SFMBT2: variants seen among roughly 807,000 people sequenced by gnomAD.
SFMBT2 encodes scm-like with four MBT domains protein 2.
A neutral mutation model predicts 110.1 loss-of-function variants in SFMBT2; 38 were observed. That is an observed-to-expected ratio of 0.35 (90% CI 0.27 to 0.45). The LOEUF (loss-of-function observed/expected upper bound fraction) is 0.45. SFMBT2 is among the 20% of genes least tolerant of loss of function. The probability of loss-of-function intolerance (pLI) is 1.00; values close to 1 mark genes in which losing one functional copy is unlikely to be tolerated. For synonymous variants in SFMBT2, 425 were observed against 425.4 expected (o/e 1.00, Z 0.01); for missense variants, 1,011 against 1,094.9 (o/e 0.92, Z 1.08).
intron 4 of SFMBT2, among the ~76,000 whole-genome samples, chr10:7,355,572 G>A (rs1435791883): frequency 2.6e-5 from 4 of 152,118 alleles, no homozygotes; most frequent in Non-Finnish European, 5.9e-5. Context: ...CAGCCCTTTG[G>A]GAGGCCGAGG....
chr10:7,391,563 T>C (rs1332304486), intron 1 of SFMBT2, among the ~76,000 whole-genome samples: 2 of 151,986 alleles, frequency 1.3e-5, no homozygotes, highest in Non-Finnish European at 2.9e-5. Flanking sequence ...TCCACCCAGG[T>C]GACTGCAAAA....
At chr10:7,237,624 A>C (rs1840297708) in intron 9 of SFMBT2, among the ~76,000 whole-genome samples, 1 of 152,120 alleles carries the variant, frequency 6.6e-6, no homozygotes, top group Non-Finnish European at 1.5e-5. Flanking sequence ...AATTCATTCA[A>C]CCTCAACAAA....
intron 4 of SFMBT2, chr10:7,348,282 C>A: frequency 6.6e-7 from 1 of 1,521,920 alleles, no homozygotes. Context: ...TTGAGACATC[C>A]TTTTCTAAGA....
chr10:7,334,275 A>T (rs1177177279), intron 4 of SFMBT2, among the ~76,000 whole-genome samples: 1 of 151,752 alleles, frequency 6.6e-6, no homozygotes, highest in Non-Finnish European at 1.5e-5. Context: ...CCGAGAGGCC[A>T]CCCCCTCCAC....
intron 16 of SFMBT2, among the ~76,000 whole-genome samples, chr10:7,185,283 G>T (rs1462593587): frequency 6.6e-6 from 1 of 152,156 alleles, no homozygotes; most frequent in Non-Finnish European, 1.5e-5. Context: ...GCGTTTTCAG[G>T]ACAGCAAACT....
At chr10:7,246,445 G>T (rs1840613873) in intron 8 of SFMBT2, among the ~76,000 whole-genome samples, 3 of 149,986 alleles carry the variant, frequency 2.0e-5, no homozygotes, top group South Asian at 4.2e-4. Flanking sequence ...GAGAGGCCGG[G>T]TGCAGTGGCT....
chr10:7,167,027 AATATG>A (rs1837714051), intron 20 of SFMBT2, among the ~76,000 whole-genome samples: 1 of 152,222 alleles, frequency 6.6e-6, no homozygotes, highest in Non-Finnish European at 1.5e-5. Flanking sequence ...AAAGAAATGA[AATATG>A]ATAAGATATA....
intron 8 of SFMBT2, chr10:7,246,254 C>G: frequency 1.4e-6 from 1 of 729,660 alleles, no homozygotes; most frequent in South Asian, 6.2e-5. Flanking sequence ...TTTCTCCCTC[C>G]CCTCAATAAG....
intron 4 of SFMBT2, among the ~76,000 whole-genome samples, chr10:7,355,570 T>C (rs1260645866): frequency 6.6e-6 from 1 of 152,212 alleles, no homozygotes; most frequent in Non-Finnish European, 1.5e-5. Flanking sequence ...CCCAGCCCTT[T>C]GGGAGGCCGA....
At chr10:7,201,076 G>T (rs1343869722) in intron 13 of SFMBT2, 1 of 152,836 alleles carries the variant, frequency 6.5e-6, no homozygotes, top group East Asian at 1.9e-4. Context: ...AGCCTTAGGG[G>T]AAAAGAGGTG....
rs1842307919 is a variant in SFMBT2, at chr10:7,293,088, ACT to A, written c.437-7136_437-7135del. 6.6e-6 allele frequency among the ~76,000 whole-genome samples: 1 copy of A among 151,996 alleles called. No individual in the cohort carries two copies. The highest frequency in any genetic ancestry group is 2.1e-4 in the South Asian group (1 of 4,810). ...ATGACATTAGGGTGAAAGGAGTCTC[ACT>A]CTGTCTGGAATGCAGTGGCGCGATC... On this transcript the variant is annotated intron_variant, in intron 4 of 20. Transcript: ENST00000397167. The surrounding 1 kb of genome is among the most constrained non-coding windows in gnomAD (Gnocchi z 4.6).
At chr10:7,280,622 G>C (rs1271906319) in intron 6 of SFMBT2, among the ~76,000 whole-genome samples, 1 of 152,138 alleles carries the variant, frequency 6.6e-6, no homozygotes, top group Non-Finnish European at 1.5e-5. Flanking sequence ...ACAACCTTAA[G>C]ACTCTGATCA....
At chr10:7,207,292 C>T (rs752738773) in intron 11 of SFMBT2, among the ~76,000 whole-genome samples, 8 of 150,812 alleles carry the variant, frequency 5.3e-5, no homozygotes, top group Non-Finnish European at 1.0e-4. Context: ...TCTGGGAGGT[C>T]GAGGTTGCAG....
chr10:7,294,014 T>C (rs1237948763), intron 4 of SFMBT2, among the ~76,000 whole-genome samples: 1 of 152,192 alleles, frequency 6.6e-6, no homozygotes, highest in Admixed American at 6.5e-5. Flanking sequence ...AGGAGGTACG[T>C]CCCAAAGGGA....
At chr10:7,389,790 T>C (rs1426583493) in intron 1 of SFMBT2, among the ~76,000 whole-genome samples, 1 of 152,246 alleles carries the variant, frequency 6.6e-6, no homozygotes, top group African/African-American at 2.4e-5. Flanking sequence ...TCTAAAATTT[T>C]ATCAATCCAG....
chr10:7,224,863 T>C (rs1360341402), intron 10 of SFMBT2, among the ~76,000 whole-genome samples: 1 of 152,258 alleles, frequency 6.6e-6, no homozygotes, highest in Admixed American at 6.5e-5. Context: ...CTACTTCTTT[T>C]TCTGACTTGT....
intron 7 of SFMBT2, among the ~76,000 whole-genome samples, chr10:7,261,124 G>A (rs1227610304): frequency 6.6e-6 from 1 of 152,108 alleles, no homozygotes; most frequent in Non-Finnish European, 1.5e-5. Flanking sequence ...TTACTGTGGG[G>A]ATGTGAGATA....
At chr10:7,200,209 A>AG (rs1360488281) in intron 14 of SFMBT2, among the ~76,000 whole-genome samples, 6 of 152,248 alleles carry the variant, frequency 3.9e-5, no homozygotes, top group African/African-American at 1.2e-4. Context: ...CTACTGGCCA[A>AG]GAAGCAGAAA....
intron 2 of SFMBT2, among the ~76,000 whole-genome samples, chr10:7,378,318 G>A (rs1362040825): frequency 5.1e-4 from 49 of 96,258 alleles, no homozygotes; most frequent in African/African-American, 8.0e-4. Flanking sequence ...ATGGGTGGAT[G>A]GATGGGTGTG....
Sources: gnomAD v4.1 joint callset for allele counts (sites outside exome capture counted in the v4.1 genomes callset) on GRCh38, gnomAD v4.1.1 for gene constraint, Gnocchi (gnomAD v3.1) non-coding constraint, MANE v1.5 for transcripts, NCBI Gene and HGNC (gene_info 2026-07-23, HGNC 2026-07-21) for gene names.